The following COL13A1 variants were observed in gnomAD, a reference collection of about 807,000 sequenced individuals.
COL13A1 encodes the protein collagen alpha-1(XIII) chain.
Under a neutral mutation model 130.9 loss-of-function variants are expected in COL13A1, and 89 were observed. The observed-to-expected ratio is 0.68, with a 90% CI of 0.57 to 0.81. The LOEUF is 0.81. Ranked by LOEUF, COL13A1 falls within the 30% of genes least tolerant of loss-of-function variation. The probability of loss-of-function intolerance (pLI) is 0.00; values close to 1 mark genes in which losing one functional copy is unlikely to be tolerated. For synonymous variants in COL13A1, 402 were observed against 341.6 expected, an observed-to-expected ratio of 1.18 and a Z score of -1.95; for missense variants, 879 against 934.6, an observed-to-expected ratio of 0.94 and a Z score of 0.78.
chr10:69,842,930 CA>C (rs781326205), intron 2 of COL13A1, among the ~76,000 whole-genome samples: 5 of 152,258 alleles, frequency 3.3e-5, no homozygotes, highest in Non-Finnish European at 5.9e-5. Context: ...CTCCGGTCTA[CA>C]CTCGTGGAAG....
At chr10:69,907,532 G>A (rs969523071) in intron 17 of COL13A1, among the ~76,000 whole-genome samples, 3 of 151,996 alleles carry the variant, frequency 2.0e-5, no homozygotes, top group Non-Finnish European at 2.9e-5. Flanking sequence ...ACCCACTGTC[G>A]CAATCACACA....
At chr10:69,877,740 C>CACGT (rs2059744118) in intron 5 of COL13A1, 1 of 357,044 alleles carries the variant, frequency 2.8e-6, no homozygotes, top group Non-Finnish European at 5.3e-6. Context: ...CACACACACA[C>CACGT]ACACACGTAC....
chr10:69,881,125 G>T (rs1271966500), intron 7 of COL13A1, among the ~76,000 whole-genome samples: 2 of 152,238 alleles, frequency 1.3e-5, no homozygotes, highest in East Asian at 3.8e-4. Context: ...CCAAAACAGG[G>T]GTGTGGGTGA....
At chr10:69,819,850 C>G (rs963129744) in intron 1 of COL13A1, among the ~76,000 whole-genome samples, 15 of 152,180 alleles carry the variant, frequency 9.9e-5, no homozygotes, top group Non-Finnish European at 5.9e-5. Context: ...TCCTGCCCCC[C>G]ACATTCCTAT....
chr10:69,816,939 G>A (rs938855027), intron 1 of COL13A1, among the ~76,000 whole-genome samples: 2 of 152,046 alleles, frequency 1.3e-5, no homozygotes, highest in Non-Finnish European at 2.9e-5. Context: ...AGTCAAAAGA[G>A]GATTATTCTC....
In COL13A1 at chr10:69,847,397, C is replaced by T. The variant is rs146231412; in HGVS notation, c.365-20401C>T. Among the ~76,000 whole-genome samples, 162 of 152,346 alleles carry T rather than the reference C, an allele frequency of 1.1e-3. 1 individual carries two copies. The highest frequency in any genetic ancestry group is 3.8e-3 in the African/African-American group (158 of 41,582). On this transcript the variant is annotated intron_variant, in intron 2 of 40. Transcript: ENST00000645393. ...ACACAAATTAGATAAAAGTGACCTA[C>T]TGCAATCTATTAAATGAGGTCACCC...
At chr10:69,866,233 G>A (rs1007305427) in intron 2 of COL13A1, among the ~76,000 whole-genome samples, 81 of 152,208 alleles carry the variant, frequency 5.3e-4, no homozygotes, top group African/African-American at 1.9e-3. Context: ...AACAGGCCGG[G>A]CTGCCCTCAG....
At chr10:69,861,351 C>T (rs989406921) in intron 2 of COL13A1, among the ~76,000 whole-genome samples, 1 of 152,072 alleles carries the variant, frequency 6.6e-6, no homozygotes, top group African/African-American at 2.4e-5. Context: ...GTATGGAGTC[C>T]TCTGGGGACC....
intron 38 of COL13A1, among the ~76,000 whole-genome samples, chr10:69,949,235 T>C (rs1212640178): frequency 6.6e-6 from 1 of 152,124 alleles, no homozygotes; most frequent in East Asian, 1.9e-4. Context: ...CAGGCTGGAG[T>C]GCAATGGCGC....
Position 69,916,384 on chromosome 10 carries a change from G to C in COL13A1, c.922-905G>C, listed in dbSNP as rs1047318650. On this transcript the variant is annotated intron_variant, in intron 17 of 40. Transcript: ENST00000645393. ...TTGCTGGACACCATCCCGGGCCCCA[G>C]CTGGGGCTTCGTGCTCAGGCACTGC... 3.3e-5 allele frequency among the ~76,000 whole-genome samples: 5 copies of C among 152,206 alleles called. 1 individual carries two copies. Among genetic ancestry groups the C allele is most frequent in the Admixed American group, 2.0e-4 (3 of 15,286 alleles).
intron 2 of COL13A1, among the ~76,000 whole-genome samples, chr10:69,844,019 C>A (rs1852321629): frequency 6.6e-6 from 1 of 152,010 alleles, no homozygotes; most frequent in African/African-American, 2.4e-5. Context: ...GGAGAGATGC[C>A]CACCAGTAAA....
At chr10:69,882,293 C>A (rs974543678) in intron 7 of COL13A1, among the ~76,000 whole-genome samples, 2 of 151,822 alleles carry the variant, frequency 1.3e-5, no homozygotes, top group African/African-American at 2.4e-5. Flanking sequence ...CCTCTCACAC[C>A]CTTTCAGCAA....
chr10:69,905,914 A>G, intron 17 of COL13A1, 92 bp downstream of exon 17: 2 of 1,443,152 alleles, frequency 1.4e-6, no homozygotes, highest in Admixed American at 3.9e-5. Flanking sequence ...TCTCCCTTCC[A>G]ACCTAGGTGG....
chr10:69,951,300 G>C (rs2069524160), intron 38 of COL13A1, among the ~76,000 whole-genome samples: 1 of 152,182 alleles, frequency 6.6e-6, no homozygotes, highest in Non-Finnish European at 1.5e-5. Context: ...TTATGAAGCA[G>C]CTATCGTTTA....
chr10:69,922,401 C>A (rs552653568), intron 22 of COL13A1, among the ~76,000 whole-genome samples: 91 of 152,246 alleles, frequency 6.0e-4, no homozygotes, highest in African/African-American at 2.0e-3. Context: ...GTTTGGCCAC[C>A]AATAATAATG....
chr10:69,827,393 C>T (rs554463167), intron 2 of COL13A1, among the ~76,000 whole-genome samples: 2 of 152,262 alleles, frequency 1.3e-5, no homozygotes, highest in South Asian at 4.2e-4. Flanking sequence ...GAGGCTGTAT[C>T]CAGGTTCAGC....
chr10:69,854,787 A>T (rs1266387819), intron 2 of COL13A1, among the ~76,000 whole-genome samples: 4 of 152,084 alleles, frequency 2.6e-5, no homozygotes, highest in African/African-American at 9.7e-5. Flanking sequence ...CATGGGTCCT[A>T]GATAGAGGAA....
chr10:69,893,449 C>G (rs1212130267), intron 10 of COL13A1, among the ~76,000 whole-genome samples: 3 of 152,246 alleles, frequency 2.0e-5, no homozygotes, highest in Non-Finnish European at 4.4e-5. Flanking sequence ...TCCAGTGATG[C>G]TCTTGGGAGT....
intron 26 of COL13A1, 72 bp downstream of exon 26, chr10:69,925,944 G>A (rs1393100282): frequency 2.3e-6 from 3 of 1,315,820 alleles, no homozygotes; most frequent in South Asian, 1.3e-5. Context: ...TGATCAGGGG[G>A]CCCTTCCACA....
Sources: gnomAD v4.1 joint callset for allele counts (sites outside exome capture counted in the v4.1 genomes callset) on GRCh38, gnomAD v4.1.1 for gene constraint, MANE v1.5 for transcripts, NCBI Gene and HGNC (gene_info 2026-07-23, HGNC 2026-07-21) for gene names.